CPNE4: variants seen among roughly 807,000 people sequenced by gnomAD.
CPNE4 encodes copine-4.
In CPNE4, 25 loss-of-function variants were observed where a neutral mutation model predicts 67.9. That is an observed-to-expected ratio of 0.37 (90% CI 0.27 to 0.51). The LOEUF (loss-of-function observed/expected upper bound fraction) is 0.51, where lower values mean the gene tolerates loss of function less well. CPNE4 is among the 20% of genes least tolerant of loss of function. CPNE4 has a pLI of 0.93. For missense variants in CPNE4, 464 were observed against 690.8 expected (o/e 0.67, Z 3.68); for synonymous variants, 242 against 244.9 (o/e 0.99, Z 0.11).
intron 6 of CPNE4, among the ~76,000 whole-genome samples, chr3:131,671,159 G>A (rs576951689): frequency 2.6e-5 from 4 of 151,920 alleles, no homozygotes; most frequent in Non-Finnish European, 2.9e-5. Context: ...CTCTTCCACC[G>A]GATTCCTTAA....
In CPNE4 at chr3:131,820,082, T is replaced by A. The variant is rs536996266; in HGVS notation, c.180+85182A>T. The stretch of plus-strand genomic sequence containing the variant: ...CTCATTTGTTACAATGGGAAAAATA[T>A]TAGGTCTATCTCAGAATTTTCCTAA... On this transcript the variant is annotated intron_variant, in intron 2 of 15. Coordinates refer to ENST00000429747, the MANE Select transcript of CPNE4 (RefSeq NM_130808.3). Among the ~76,000 whole-genome samples the A allele has an allele frequency of 3.3e-5, 5 of 152,304 alleles. No individual in the cohort carries two copies. In the South Asian group the frequency reaches 1.0e-3, roughly 32 times the overall value.
intron 7 of CPNE4, among the ~76,000 whole-genome samples, chr3:131,603,303 C>T (rs1939310992): frequency 1.3e-5 from 2 of 152,070 alleles, no homozygotes; most frequent in South Asian, 4.1e-4. Context: ...GGACTAATCT[C>T]TATATAAATC....
In CPNE4 at chr3:131,650,604, G is replaced by A. The variant is rs1232835554; in HGVS notation, c.681+19071C>T. Among the ~76,000 whole-genome samples the A allele has an allele frequency of 5.3e-5, 8 of 149,944 alleles. 1 individual carries two copies. The highest frequency in any genetic ancestry group is 1.8e-4 in the African/African-American group (7 of 39,610). Reference sequence around the variant, plus strand: ...ACTAAAAATACAAAAAATTAGCCGGGCGTGGTGGTGGGCGCCTGTAGTCCC... The same window carrying A: ...ACTAAAAATACAAAAAATTAGCCGGACGTGGTGGTGGGCGCCTGTAGTCCC... On this transcript the variant is annotated intron_variant, in intron 7 of 15. Transcript: ENST00000429747.
At chr3:131,833,194 GTTGT>G (rs1369723178) in intron 2 of CPNE4, among the ~76,000 whole-genome samples, 2 of 152,174 alleles carry the variant, frequency 1.3e-5, no homozygotes, top group Admixed American at 1.3e-4. Context: ...ATAAGTTTAT[GTTGT>G]TTATTAGCCA....
intron 3 of CPNE4, among the ~76,000 whole-genome samples, chr3:131,710,407 A>G (rs529947693): frequency 1.3e-5 from 2 of 152,234 alleles, no homozygotes; most frequent in East Asian, 3.9e-4. Context: ...ATAGGAGTCA[A>G]TTTATCAACT....
chr3:131,859,390 T>G (rs2086584404), intron 2 of CPNE4, among the ~76,000 whole-genome samples: 1 of 152,184 alleles, frequency 6.6e-6, no homozygotes. Context: ...TACTCATCAT[T>G]GTAAACCACC....
chr3:131,919,571 G>C (rs73206069), intron 1 of CPNE4, among the ~76,000 whole-genome samples: 10,416 of 152,218 alleles, frequency 0.068, 469 homozygotes, highest in Non-Finnish European at 0.098. Flanking sequence ...GAAGGCTTCT[G>C]GAGTGCAGAA....
chr3:131,570,807 T>TG (rs1237330098), intron 10 of CPNE4, among the ~76,000 whole-genome samples: 9 of 152,166 alleles, frequency 5.9e-5, no homozygotes, highest in African/African-American at 2.2e-4. Context: ...AGTGTTCAGG[T>TG]GACCAAAAAA....
chr3:131,975,817 C>T lies in CPNE4; in HGVS notation c.-2+58750G>A, dbSNP rs192939888. On this transcript the variant is annotated intron_variant, in intron 1 of 15. Coordinates refer to ENST00000429747, the MANE Select transcript of CPNE4 (RefSeq NM_130808.3). The stretch of plus-strand genomic sequence containing the variant: ...ATATGTATGCCTAGTGTACGCAGAA[C>T]TTATCCAACAAATATATCAGGTTAT... 1.4e-4 allele frequency among the ~76,000 whole-genome samples: 21 copies of T among 151,992 alleles called. No homozygotes were observed. The East Asian group carries it at 3.9e-3, about 28-fold the overall frequency.
intron 11 of CPNE4, among the ~76,000 whole-genome samples, chr3:131,558,389 G>A (rs139017680): frequency 4.8e-4 from 73 of 152,114 alleles, no homozygotes; most frequent in African/African-American, 1.7e-3. Context: ...ATTCAAGATT[G>A]GATCCACTCA....
intron 10 of CPNE4, among the ~76,000 whole-genome samples, chr3:131,572,327 G>A: frequency 6.6e-6 from 1 of 152,016 alleles, no homozygotes; most frequent in South Asian, 2.1e-4. Context: ...AGAGTGGGAG[G>A]GAGCAGTTAC....
At chr3:131,870,061 C>T (rs1485839335) in intron 2 of CPNE4, among the ~76,000 whole-genome samples, 1 of 152,016 alleles carries the variant, frequency 6.6e-6, no homozygotes, top group African/African-American at 2.4e-5. Context: ...GAAGGTTCCT[C>T]AAGGAAATGA....
rs35525721 is a variant in CPNE4, at chr3:131,925,157, T to TTCTC, written c.-1-19717_-1-19714dup. Among the ~76,000 whole-genome samples, 711 of 147,236 alleles carry TTCTC rather than the reference T, an allele frequency of 4.8e-3. 3 individuals carry two copies. Among genetic ancestry groups the TTCTC allele is most frequent in the Non-Finnish European group, 4.6e-3 (307 of 66,698 alleles). ...TGATTCTCTCTCTCTTGTTCTCATA[T>TTCTC]TCTCTCTCTCTCTCTCTCTCTCATA... On this transcript the variant is annotated intron_variant, in intron 1 of 15. Coordinates refer to ENST00000429747, the MANE Select transcript of CPNE4 (RefSeq NM_130808.3).
chr3:131,734,587 T>C (rs1344277090), intron 2 of CPNE4, among the ~76,000 whole-genome samples: 1 of 152,148 alleles, frequency 6.6e-6, no homozygotes, highest in Non-Finnish European at 1.5e-5. Flanking sequence ...GGTCCATAGA[T>C]ATTAAAATGA....
chr3:131,582,403 C>T (rs1048251510), intron 8 of CPNE4, among the ~76,000 whole-genome samples: 6 of 152,116 alleles, frequency 3.9e-5, no homozygotes, highest in African/African-American at 1.4e-4. Context: ...AATTGTGAAT[C>T]AAATATCCAA....
intron 2 of CPNE4, among the ~76,000 whole-genome samples, chr3:131,750,851 T>A (rs1305282315): frequency 1.3e-5 from 2 of 152,170 alleles, no homozygotes; most frequent in African/African-American, 4.8e-5. Context: ...ACAATTTTTT[T>A]TTAGTTTTCT....
chr3:131,890,003 A>C (rs552487224), intron 2 of CPNE4, among the ~76,000 whole-genome samples: 7 of 149,504 alleles, frequency 4.7e-5, no homozygotes, highest in Non-Finnish European at 9.1e-5. Flanking sequence ...GAAAATATAG[A>C]AAAAAATTAT....
chr3:131,739,552 C>T (rs572098073), intron 2 of CPNE4, among the ~76,000 whole-genome samples: 15 of 152,098 alleles, frequency 9.9e-5, no homozygotes, highest in Non-Finnish European at 1.0e-4. Flanking sequence ...TCCTGGGTAA[C>T]CTTAAAACAA....
chr3:131,620,411 C>T (rs754379350), intron 7 of CPNE4: 23 of 977,496 alleles, frequency 2.4e-5, no homozygotes, highest in Non-Finnish European at 2.4e-5. Flanking sequence ...AATAGTGAGC[C>T]ATTTTCCTTG....
Sources: allele counts gnomAD v4.1 joint callset (sites outside exome capture counted in the v4.1 genomes callset), GRCh38; gene constraint gnomAD v4.1.1; transcripts MANE v1.5; gene names NCBI Gene and HGNC (gene_info 2026-07-23, HGNC 2026-07-21).